Variants in CPNE4 observed in about 807,000 individuals in gnomAD.
CPNE4 encodes copine-4.
In CPNE4, 25 loss-of-function variants were observed where a neutral mutation model predicts 67.9. The observed-to-expected ratio is 0.37, with a 90% CI of 0.27 to 0.51. CPNE4 has a LOEUF of 0.51. Ranked by LOEUF, CPNE4 falls within the 20% of genes least tolerant of loss-of-function variation. CPNE4 has a pLI of 0.93. For missense variants in CPNE4, 464 were observed against 690.8 expected, an observed-to-expected ratio of 0.67 and a Z score of 3.68; for synonymous variants, 242 against 244.9, an observed-to-expected ratio of 0.99 and a Z score of 0.11.
At chr3:131,768,213 C>T (rs981116516) in intron 2 of CPNE4, among the ~76,000 whole-genome samples, 11 of 152,182 alleles carry the variant, frequency 7.2e-5, no homozygotes, top group Admixed American at 2.0e-4. Context: ...TGACTTCTGA[C>T]AGCTTGTATA....
At chr3:131,815,605 T>A (rs749575233) in intron 2 of CPNE4, among the ~76,000 whole-genome samples, 9 of 152,172 alleles carry the variant, frequency 5.9e-5, no homozygotes, top group Non-Finnish European at 1.3e-4. Context: ...AGTCCAAGCT[T>A]GTGCCACTTG....
At chr3:131,708,027 CTCT>C (rs1349390858) in intron 3 of CPNE4, among the ~76,000 whole-genome samples, 1 of 152,128 alleles carries the variant, frequency 6.6e-6, no homozygotes, top group Non-Finnish European at 1.5e-5. Flanking sequence ...TGCTATTTTC[CTCT>C]TCTTTTCTCT....
At chr3:131,640,234 T>A (rs1264933686) in intron 7 of CPNE4, among the ~76,000 whole-genome samples, 2 of 152,116 alleles carry the variant, frequency 1.3e-5, no homozygotes, top group Admixed American at 6.6e-5. Context: ...TGTTTGCAGA[T>A]GATATGATTG....
chr3:131,936,343 G>C (rs1461229162), intron 1 of CPNE4, among the ~76,000 whole-genome samples: 1 of 152,032 alleles, frequency 6.6e-6, no homozygotes, highest in Non-Finnish European at 1.5e-5. Context: ...AAGTGCAGAA[G>C]ACATATCCCT....
intron 2 of CPNE4, among the ~76,000 whole-genome samples, chr3:131,898,189 C>T (rs1039520870): frequency 1.3e-5 from 2 of 151,994 alleles, no homozygotes; most frequent in African/African-American, 4.8e-5. Flanking sequence ...GTCAAAAATA[C>T]CTCCTTTGAA....
intron 2 of CPNE4, among the ~76,000 whole-genome samples, chr3:131,838,275 C>T (rs1289761253): frequency 2.6e-5 from 4 of 151,612 alleles, no homozygotes; most frequent in African/African-American, 9.7e-5. Context: ...ATTTTAAAGG[C>T]TTCATATTCA....
At chr3:131,873,498 T>C (rs1583380402) in intron 2 of CPNE4, among the ~76,000 whole-genome samples, 1 of 152,234 alleles carries the variant, frequency 6.6e-6, no homozygotes, top group South Asian at 2.1e-4. Context: ...CCACTGGCTC[T>C]ATAACTAGAT....
chr3:131,842,746 A>AAAAAAG (rs1553784371), intron 2 of CPNE4, among the ~76,000 whole-genome samples: 1 of 149,702 alleles, frequency 6.7e-6, no homozygotes, highest in Non-Finnish European at 1.5e-5. Context: ...AAAAAAAAAA[A>AAAAAAG]AAAGAAAAAG....
At chr3:131,893,146 T>C (rs2088182482) in intron 2 of CPNE4, among the ~76,000 whole-genome samples, 3 of 151,998 alleles carry the variant, frequency 2.0e-5, no homozygotes. Flanking sequence ...AAAAAAGATA[T>C]TCCATGCAGA....
At chr3:131,746,345 T>C (rs1245750677) in intron 2 of CPNE4, among the ~76,000 whole-genome samples, 2 of 152,166 alleles carry the variant, frequency 1.3e-5, no homozygotes, top group Non-Finnish European at 2.9e-5. Flanking sequence ...CTAGTCATTC[T>C]ACCGTACAAT....
At chr3:131,816,577 A>G (rs1038310122) in intron 2 of CPNE4, among the ~76,000 whole-genome samples, 2 of 152,220 alleles carry the variant, frequency 1.3e-5, no homozygotes, top group African/African-American at 4.8e-5. Context: ...GAATCAACTC[A>G]CTTTAGAACA....
intron 6 of CPNE4, among the ~76,000 whole-genome samples, chr3:131,678,409 T>C (rs1200495050): frequency 6.6e-6 from 1 of 152,204 alleles, no homozygotes; most frequent in Non-Finnish European, 1.5e-5. Context: ...CCTCTCTTCC[T>C]ATTTGAATGC....
intron 2 of CPNE4, among the ~76,000 whole-genome samples, chr3:131,795,000 C>T (rs1027492788): frequency 3.3e-5 from 5 of 152,210 alleles, no homozygotes; most frequent in Admixed American, 2.6e-4. Context: ...TCTGTCGTGG[C>T]TTAGCCATGG....
intron 15 of CPNE4, among the ~76,000 whole-genome samples, chr3:131,541,846 T>A (rs1935514459): frequency 6.6e-6 from 1 of 152,126 alleles, no homozygotes; most frequent in African/African-American, 2.4e-5. Context: ...AATTTTTGTA[T>A]TTTTAGTAGA....
At chr3:131,955,929 C>T (rs912228356) in intron 1 of CPNE4, among the ~76,000 whole-genome samples, 1 of 151,982 alleles carries the variant, frequency 6.6e-6, no homozygotes, top group African/African-American at 2.4e-5. Flanking sequence ...CAGATGCAGC[C>T]TAGGATACTC....
intron 7 of CPNE4, among the ~76,000 whole-genome samples, chr3:131,609,792 G>T (rs972031795): frequency 1.3e-5 from 2 of 152,020 alleles, no homozygotes; most frequent in Non-Finnish European, 2.9e-5. Flanking sequence ...AAACATTATT[G>T]TTGCCATATT....
chr3:131,722,506 C>A (rs569673712), intron 3 of CPNE4, among the ~76,000 whole-genome samples: 34 of 151,324 alleles, frequency 2.2e-4, no homozygotes, highest in Middle Eastern at 3.4e-3. Flanking sequence ...TGGAAGTCTC[C>A]CCTCCTCTTT....
At chr3:131,977,930 T>C (rs371602787) in intron 1 of CPNE4, among the ~76,000 whole-genome samples, 1,575 of 150,188 alleles carry the variant, frequency 0.01, 30 homozygotes, top group African/African-American at 0.036. Flanking sequence ...GAACATACGA[T>C]GTTTGGTTTT....
intron 1 of CPNE4, among the ~76,000 whole-genome samples, chr3:131,944,037 T>C (rs1228679745): frequency 1.3e-5 from 2 of 152,170 alleles, no homozygotes; most frequent in Non-Finnish European, 2.9e-5. Context: ...CTTGTTTGCT[T>C]CTGAGTGTCC....
Sources: allele counts gnomAD v4.1 joint callset (sites outside exome capture counted in the v4.1 genomes callset), GRCh38; gene constraint gnomAD v4.1.1; transcripts MANE v1.5; gene names NCBI Gene and HGNC (gene_info 2026-07-23, HGNC 2026-07-21).